KIR3DL3: variants seen among roughly 807,000 people sequenced by gnomAD.
The protein encoded by KIR3DL3 is killer cell immunoglobulin-like receptor 3DL3.
A neutral mutation model predicts 34.9 loss-of-function variants in KIR3DL3; 27 were observed. The observed-to-expected ratio is 0.77, with a 90% CI of 0.57 to 1.07. KIR3DL3 has a LOEUF of 1.07. Ranked by LOEUF, KIR3DL3 falls within the 50% of genes least tolerant of loss-of-function variation. The probability of loss-of-function intolerance (pLI) is 0.00; values close to 1 mark genes in which losing one functional copy is unlikely to be tolerated. For missense variants in KIR3DL3, 681 were observed against 528.5 expected (o/e 1.29, Z -2.83); for synonymous variants, 217 against 200.2 (o/e 1.08, Z -0.71).
intron 2 of KIR3DL3, 145 bp from the exon 3 acceptor site, chr19:54,725,908 T>C (rs2068103540): frequency 2.8e-6 from 2 of 725,122 alleles, no homozygotes; most frequent in East Asian, 2.5e-5. Flanking sequence ...GCCATGTCTA[T>C]GCGGGATGGG....
chr19:54,735,208 G>A (rs1348515901), intron 5 of KIR3DL3, 45 bp from the exon 6 acceptor site: 3 of 1,310,454 alleles, frequency 2.3e-6, no homozygotes, highest in African/African-American at 2.9e-5. Flanking sequence ...TCATATAGAG[G>A]AACTGCTATG....
chr19:54,729,419 G>C (rs1334544448), intron 4 of KIR3DL3, 74 bp from the exon 5 acceptor site: 6 of 1,333,574 alleles, frequency 4.5e-6, no homozygotes, highest in Non-Finnish European at 6.2e-6. Context: ...AGGGGAGTGA[G>C]TTCTCAGCTC....
chr19:54,729,440 A>T, intron 4 of KIR3DL3, 53 bp from the exon 5 acceptor site: 1 of 1,406,552 alleles, frequency 7.1e-7, no homozygotes, highest in Non-Finnish European at 9.7e-7. Flanking sequence ...AGGTGTGAGG[A>T]GAGCTGTGAC....
chr19:54,734,540 G>C (rs527517951), intron 5 of KIR3DL3, among the ~76,000 whole-genome samples: 1 of 151,780 alleles, frequency 6.6e-6, no homozygotes, highest in Non-Finnish European at 1.5e-5. Flanking sequence ...CTCAGCTAAA[G>C]CACTGCATGA....
At chr19:54,726,026 C>G in intron 2 of KIR3DL3, 27 bp from the exon 3 acceptor site, 1 of 1,543,710 alleles carries the variant, frequency 6.5e-7, no homozygotes, top group Non-Finnish European at 8.9e-7. Flanking sequence ...ATCCTCCTCT[C>G]TAAGGTGGTG....
At chr19:54,733,303 G>C (rs1394515171) in intron 5 of KIR3DL3, among the ~76,000 whole-genome samples, 1 of 151,922 alleles carries the variant, frequency 6.6e-6, no homozygotes, top group African/African-American at 2.4e-5. Context: ...AGGCCAAGGC[G>C]GGTAGATCAC....
In KIR3DL3 at chr19:54,726,230, G is replaced by A. The variant is rs1288921369; in HGVS notation, c.248G>A (p.Gly83Asp). The change falls in exon 3 of 8, where the codon GGC becomes GAC. Residue 83 changes from glycine (G) to aspartate (D), a missense_variant. Gly to Asp is a moderately conservative substitution (Grantham distance 94, BLOSUM62 -1). Transcript: ENST00000291860. ...ATATTCCGGAACAGCTTTCTCATGG[G>A]CCCTGTGACCCCAGCACATGCAGGG... ...NRIFRNSFLM[G>D]PVTPAHAGTY... The A allele has an allele frequency of 2.5e-6, 4 of 1,613,672 alleles. No homozygotes were observed. The African/African-American group carries it at 4.0e-5, about 16-fold the overall frequency.
intron 5 of KIR3DL3, among the ~76,000 whole-genome samples, chr19:54,732,665 C>G (rs2068945717): frequency 6.6e-6 from 1 of 152,328 alleles, no homozygotes; most frequent in African/African-American, 2.4e-5. Flanking sequence ...ATGGATTCAA[C>G]CCTTGGAAGA....
chr19:54,729,375 T>G, intron 4 of KIR3DL3, 118 bp from the exon 5 acceptor site: 13 of 1,134,170 alleles, frequency 1.1e-5, no homozygotes, highest in East Asian at 1.0e-4. Flanking sequence ...GGGTGGAGGG[T>G]GAGAGAGAGA....
chr19:54,726,064 A>C lies in KIR3DL3; in HGVS notation c.82A>C (p.Lys28Gln). ...TCCTTCTCCCCCAGGTGGTCAGGAC[A>C]AGCCCTTCCTCTCTGCCTGGCCCGG... ...GPWPHVGGQD[K>Q]PFLSAWPGTV... The change falls in exon 3 of 8, where the codon AAG (lysine) becomes CAG (glutamine). Residue 28 changes from lysine to glutamine, a missense_variant. Coordinates refer to ENST00000291860, the MANE Select transcript of KIR3DL3 (RefSeq NM_153443.5). 6.2e-7 allele frequency: 1 copy of C among 1,611,852 alleles called. No individual in the cohort carries two copies. Among genetic ancestry groups the C allele is most frequent in the Non-Finnish European group, 8.5e-7 (1 of 1,178,486 alleles).
Position 54,735,152 on chromosome 19 carries a change from G to A in KIR3DL3, c.950-101G>A, listed in dbSNP as rs2069338333. ...CCGCCATCTGGGTGCTTGTCCTAAAGAGACGTTGTATGTGGTTACCTGTCA... is the reference window on the plus strand; with the variant it reads ...CCGCCATCTGGGTGCTTGTCCTAAAAAGACGTTGTATGTGGTTACCTGTCA... On this transcript the variant is annotated intron_variant, in intron 5 of 7. Coordinates refer to ENST00000291860, the MANE Select transcript of KIR3DL3 (RefSeq NM_153443.5). The A allele has an allele frequency of 5.3e-6, 5 of 942,842 alleles. No individual in the cohort carries two copies. In the East Asian group the frequency reaches 1.2e-4, roughly 22 times the overall value. 58.4% of individuals were successfully genotyped at this position (942,842 alleles called of 1,614,324 possible). A position where few individuals can be genotyped will look rare whatever the true frequency, so the allele number is the denominator to read the frequency against.
At chr19:54,725,986 C>T in intron 2 of KIR3DL3, 67 bp from the exon 3 acceptor site, 1 of 1,365,742 alleles carries the variant, frequency 7.3e-7, no homozygotes, top group Non-Finnish European at 1.0e-6. Context: ...GGAGAATCTT[C>T]TGAGCACAGG....
chr19:54,727,537 C>T, intron 3 of KIR3DL3, 74 bp from the exon 4 acceptor site: 1 of 1,409,078 alleles, frequency 7.1e-7, no homozygotes, highest in Non-Finnish European at 9.7e-7. Flanking sequence ...GGAGGGGAAG[C>T]CTCACTTATT....
intron 4 of KIR3DL3, 131 bp downstream of exon 4, chr19:54,728,041 C>A: frequency 1.1e-6 from 1 of 902,122 alleles, no homozygotes; most frequent in Non-Finnish European, 1.7e-6. Flanking sequence ...TTGGTGAGGT[C>A]TGTACCAACA....
At chr19:54,732,258 C>CT (rs139916853) in intron 5 of KIR3DL3, among the ~76,000 whole-genome samples, 91,977 of 146,764 alleles carry the variant, frequency 0.63, 28,855 homozygotes, top group Admixed American at 0.68. Context: ...TTTTTGTTTT[C>CT]TTTTTTTTTT....
Position 54,726,159 on chromosome 19 carries a change from T to C in KIR3DL3, c.177T>C (p.Ser59=). ...CRSRLGFNEF[S]LSKEDGMPVP... ...CTCGTCTTGGGTTTAATGAATTCAG[T>C]CTGTCCAAAGAAGACGGGATGCCTG... The change falls in exon 3 of 8, where the codon AGT becomes AGC. Residue 59 remains serine (S), a synonymous_variant. Transcript: ENST00000291860. 2 of 1,612,972 alleles carry C rather than the reference T, an allele frequency of 1.2e-6. No individual in the cohort carries two copies. Among genetic ancestry groups the C allele is most frequent in the East Asian group, 2.2e-5 (1 of 44,844 alleles).
chr19:54,728,256 C>T (rs916516475), intron 4 of KIR3DL3, among the ~76,000 whole-genome samples: 3 of 149,950 alleles, frequency 2.0e-5, no homozygotes, highest in African/African-American at 7.4e-5. Context: ...TGTTTTACCT[C>T]TACAAAGTGT....
intron 4 of KIR3DL3, among the ~76,000 whole-genome samples, chr19:54,729,084 T>C (rs1217567103): frequency 1.3e-5 from 2 of 148,180 alleles, no homozygotes; most frequent in Non-Finnish European, 3.0e-5. Context: ...GAGAGATAGG[T>C]CATAGATACA....
chr19:54,735,141 C>A, intron 5 of KIR3DL3, 112 bp from the exon 6 acceptor site: 1 of 851,448 alleles, frequency 1.2e-6, no homozygotes, highest in Non-Finnish European at 2.0e-6. Flanking sequence ...CATCTGGGTG[C>A]TTGTCCTAAA....
Sources: allele counts gnomAD v4.1 joint callset (sites outside exome capture counted in the v4.1 genomes callset), GRCh38; gene constraint gnomAD v4.1.1; transcripts MANE v1.5; gene names NCBI Gene and HGNC (gene_info 2026-07-23, HGNC 2026-07-21).